Variants in SGCD observed in about 807,000 individuals in gnomAD.
SGCD encodes the protein delta-sarcoglycan.
A neutral mutation model predicts 36.6 loss-of-function variants in SGCD; 18 were observed. That is an observed-to-expected ratio of 0.49 (90% CI 0.34 to 0.73). The LOEUF (loss-of-function observed/expected upper bound fraction) is 0.73, where lower values mean the gene tolerates loss of function less well. Ranked by LOEUF, SGCD falls within the 30% of genes least tolerant of loss-of-function variation. The probability of loss-of-function intolerance (pLI) is 0.01; values close to 1 mark genes in which losing one functional copy is unlikely to be tolerated. For synonymous variants in SGCD, 133 were observed against 130.6 expected, an observed-to-expected ratio of 1.02 and a Z score of -0.12; for missense variants, 387 against 346.7, an observed-to-expected ratio of 1.12 and a Z score of -0.92.
At chr5:156,718,188 GTTC>G (rs1283191990) in intron 7 of SGCD, among the ~76,000 whole-genome samples, 1 of 152,092 alleles carries the variant, frequency 6.6e-6, no homozygotes, top group Non-Finnish European at 1.5e-5. Flanking sequence ...TCCATGCCAT[GTTC>G]TTCTCTGAAT....
intron 4 of SGCD, among the ~76,000 whole-genome samples, chr5:156,574,080 C>T (rs1428954333): frequency 2.6e-5 from 4 of 152,148 alleles, no homozygotes; most frequent in Admixed American, 6.5e-5. Context: ...TTGCATATAT[C>T]GTCTTCTCAC....
chr5:156,378,640 A>C (rs565357788), intron 3 of SGCD, among the ~76,000 whole-genome samples: 35 of 152,212 alleles, frequency 2.3e-4, no homozygotes, highest in African/African-American at 7.9e-4. Flanking sequence ...TTTTGTTTTC[A>C]AAAAAGACTT....
intron 1 of SGCD, among the ~76,000 whole-genome samples, chr5:156,059,160 C>T (rs1760138441): frequency 6.9e-6 from 1 of 144,090 alleles, no homozygotes; most frequent in South Asian, 2.2e-4. Flanking sequence ...GAGGGCAGTT[C>T]TGTTGATTAA....
chr5:156,550,926 C>T (rs1471667526), intron 4 of SGCD, among the ~76,000 whole-genome samples: 1 of 152,172 alleles, frequency 6.6e-6, no homozygotes, highest in Non-Finnish European at 1.5e-5. Flanking sequence ...CGTAGGTCAT[C>T]TTGTTGGCTT....
chr5:156,717,641 T>C (rs1581454652), intron 7 of SGCD, among the ~76,000 whole-genome samples: 1 of 152,276 alleles, frequency 6.6e-6, no homozygotes, highest in Middle Eastern at 3.4e-3. Flanking sequence ...CCATCTAATC[T>C]AGGGAACATA....
intron 7 of SGCD, among the ~76,000 whole-genome samples, chr5:156,750,546 T>A (rs1279149227): frequency 6.6e-6 from 1 of 151,354 alleles, no homozygotes; most frequent in East Asian, 1.9e-4. Flanking sequence ...GGTGTGGTGG[T>A]GGGCACCTGT....
chr5:156,430,987 G>C (rs1022597068), intron 3 of SGCD, among the ~76,000 whole-genome samples: 2 of 152,164 alleles, frequency 1.3e-5, no homozygotes, highest in Admixed American at 6.5e-5. Context: ...CCTGGGTAGG[G>C]ACTGGTTGTA....
At chr5:156,059,509 G>A (rs1207922296) in intron 1 of SGCD, among the ~76,000 whole-genome samples, 1 of 146,366 alleles carries the variant, frequency 6.8e-6, no homozygotes, top group Admixed American at 6.8e-5. Flanking sequence ...GTGGCAGCTG[G>A]ATTTATCTGT....
intron 1 of SGCD, among the ~76,000 whole-genome samples, chr5:155,939,836 CTCTT>C (rs1757287859): frequency 6.9e-6 from 1 of 144,828 alleles, no homozygotes; most frequent in East Asian, 2.1e-4. Flanking sequence ...ATCCAAATGT[CTCTT>C]TTTTTTTTTT....
intron 3 of SGCD, among the ~76,000 whole-genome samples, chr5:156,289,764 C>A (rs1330190599): frequency 2.0e-5 from 3 of 152,028 alleles, no homozygotes; most frequent in African/African-American, 7.2e-5. Flanking sequence ...AGCAATCCGC[C>A]CGTCCTAGTC....
chr5:156,600,993 A>G (rs1044980706), intron 6 of SGCD, among the ~76,000 whole-genome samples: 1 of 152,136 alleles, frequency 6.6e-6, no homozygotes, highest in African/African-American at 2.4e-5. Flanking sequence ...TCTTTTGCCT[A>G]TTTAAAATTG....
chr5:155,943,827 C>G (rs1219322142), intron 1 of SGCD, among the ~76,000 whole-genome samples: 2 of 152,182 alleles, frequency 1.3e-5, no homozygotes, highest in Admixed American at 1.3e-4. Context: ...TTTACAGACT[C>G]TCCATTGCAG....
chr5:156,017,303 A>G (rs1561683822), intron 1 of SGCD, among the ~76,000 whole-genome samples: 1 of 152,076 alleles, frequency 6.6e-6, no homozygotes, highest in South Asian at 2.1e-4. Flanking sequence ...TTGTTTATAT[A>G]GTGTTTTCCC....
At chr5:156,742,821 ATCTCTTGCTCAGTT>A (rs1363726547) in intron 7 of SGCD, among the ~76,000 whole-genome samples, 1 of 152,154 alleles carries the variant, frequency 6.6e-6, no homozygotes, top group Non-Finnish European at 1.5e-5. Flanking sequence ...AGGCAACGTT[ATCTCTTGCTCAGTT>A]TTTTGTTCTA....
intron 6 of SGCD, among the ~76,000 whole-genome samples, chr5:156,634,389 A>T (rs1049708831): frequency 1.3e-5 from 2 of 152,192 alleles, no homozygotes; most frequent in Non-Finnish European, 2.9e-5. Context: ...CAACCTGCAC[A>T]TCCTTGCACA....
chr5:156,483,706 A>T (rs146836350), intron 3 of SGCD, among the ~76,000 whole-genome samples: 1 of 152,300 alleles, frequency 6.6e-6, no homozygotes, highest in African/African-American at 2.4e-5. Flanking sequence ...TGGTGAGTAA[A>T]ATGTGTTTTT....
At chr5:156,380,755 G>C (rs1231507344) in intron 3 of SGCD, among the ~76,000 whole-genome samples, 1 of 152,158 alleles carries the variant, frequency 6.6e-6, no homozygotes, top group Non-Finnish European at 1.5e-5. Flanking sequence ...TTTTTTGTGT[G>C]AAGCAAGAGA....
rs375253356 is a variant in SGCD, at chr5:155,923,517, C to T, written c.-282+53093C>T. ...CGTTCATAGTTATTTGTTTCATACTCTTTATATAACAGGCTCCTTGTGAAT... is the reference window on the plus strand; with the variant it reads ...CGTTCATAGTTATTTGTTTCATACTTTTTATATAACAGGCTCCTTGTGAAT... On this transcript the variant is annotated intron_variant, in intron 1 of 9. Transcript: ENST00000517913. Among the ~76,000 whole-genome samples the T allele has an allele frequency of 1.1e-4, 16 of 152,326 alleles. No individual in the cohort carries two copies. The East Asian group carries it at 2.3e-3, about 22-fold the overall frequency.
At chr5:156,490,806 T>C (rs957463053) in intron 3 of SGCD, among the ~76,000 whole-genome samples, 1 of 152,062 alleles carries the variant, frequency 6.6e-6, no homozygotes, top group African/African-American at 2.4e-5. Flanking sequence ...AAGACAAGGA[T>C]GCCCACTTTC....
Sources: gnomAD v4.1 joint callset for allele counts (sites outside exome capture counted in the v4.1 genomes callset) on GRCh38, gnomAD v4.1.1 for gene constraint, MANE v1.5 for transcripts, NCBI Gene and HGNC (gene_info 2026-07-23, HGNC 2026-07-21) for gene names.